The following ASXL3 variants were observed in gnomAD, a reference collection of about 807,000 sequenced individuals.
ASXL3 encodes putative Polycomb group protein ASXL3.
In ASXL3, 34 loss-of-function variants were observed where a neutral mutation model predicts 170.6. The observed-to-expected ratio is 0.20, with a 90% CI of 0.15 to 0.27. The LOEUF (loss-of-function observed/expected upper bound fraction) is 0.27. Ranked by LOEUF, ASXL3 falls within the 10% of genes least tolerant of loss-of-function variation. ASXL3 has a pLI of 1.00. For missense variants in ASXL3, 2,592 were observed against 2,695.3 expected, an observed-to-expected ratio of 0.96 and a Z score of 0.85; for synonymous variants, 1,002 against 989.1, an observed-to-expected ratio of 1.01 and a Z score of -0.24.
intron 6 of ASXL3, 41 bp downstream of exon 6, chr18:33,670,831 T>TGGA: frequency 7.7e-7 from 1 of 1,293,062 alleles, no homozygotes; most frequent in Non-Finnish European, 1.1e-6. Context: ...AGTTTCTTCC[T>TGGA]GGAGGAGACT....
At chr18:33,678,988 A>T (rs1043676885) in intron 7 of ASXL3, among the ~76,000 whole-genome samples, 3 of 152,152 alleles carry the variant, frequency 2.0e-5, no homozygotes, top group East Asian at 1.9e-4. Flanking sequence ...TTATTCTATG[A>T]TATTCTTAAA....
intron 10 of ASXL3, among the ~76,000 whole-genome samples, chr18:33,738,038 C>T (rs977843439): frequency 6.6e-6 from 1 of 152,088 alleles, no homozygotes; most frequent in African/African-American, 2.4e-5. Flanking sequence ...TGGTAAGGCT[C>T]GTATCTCCTT....
chr18:33,644,951 G>A lies in ASXL3; in HGVS notation c.195G>A (p.Gly65=), dbSNP rs371104233. 1.3e-4 allele frequency: 200 copies of A among 1,583,156 alleles called. No individual in the cohort carries two copies. The highest frequency in any genetic ancestry group is 5.0e-4 in the Admixed American group (28 of 56,456). Residue 65 remains glycine, a synonymous_variant, in exon 3 of 12, where the codon GGG becomes GGA. Transcript: ENST00000269197. ...NAMLHTNTRI[G]DGTFFKIPGK... ...TGCTTCACACTAACACTCGAATAGG[G>A]GATGGAACATTCTTCAAAATCCCTG...
intron 5 of ASXL3, among the ~76,000 whole-genome samples, chr18:33,662,086 T>C (rs2066183370): frequency 6.6e-6 from 1 of 152,210 alleles, no homozygotes; most frequent in Non-Finnish European, 1.5e-5. Flanking sequence ...TTTTTGTGCT[T>C]ATCTGATAGT....
At chr18:33,721,783 C>G (rs1417810269) in intron 8 of ASXL3, among the ~76,000 whole-genome samples, 1 of 152,006 alleles carries the variant, frequency 6.6e-6, no homozygotes, top group African/African-American at 2.4e-5. Flanking sequence ...CTTTATTGCA[C>G]TTCACAAATA....
At chr18:33,645,443 C>G (rs752678766) in intron 3 of ASXL3, among the ~76,000 whole-genome samples, 8 of 151,678 alleles carry the variant, frequency 5.3e-5, no homozygotes, top group Non-Finnish European at 8.8e-5. Context: ...ATCTAGTATT[C>G]AATTTTAAAA....
intron 4 of ASXL3, chr18:33,649,591 A>C (rs2065966209): frequency 6.6e-6 from 1 of 152,090 alleles, no homozygotes; most frequent in Non-Finnish European, 1.5e-5. Context: ...GTTCGGGACC[A>C]CTCTACAAGT....
chr18:33,667,471 T>C (rs1448286146), intron 5 of ASXL3, among the ~76,000 whole-genome samples: 1 of 152,202 alleles, frequency 6.6e-6, no homozygotes, highest in African/African-American at 2.4e-5. Context: ...CTTTGCTTTC[T>C]CTGTAAACTC....
intron 8 of ASXL3, among the ~76,000 whole-genome samples, chr18:33,694,216 A>C (rs1284277843): frequency 1.3e-5 from 2 of 152,192 alleles, no homozygotes; most frequent in Non-Finnish European, 2.9e-5. Context: ...TTGGGTTTGT[A>C]GCCAGACATG....
At chr18:33,649,985 G>A (rs545310927) in intron 4 of ASXL3, among the ~76,000 whole-genome samples, 178 of 152,130 alleles carry the variant, frequency 1.2e-3, no homozygotes, top group Non-Finnish European at 2.1e-3. Flanking sequence ...TGGCATCAGC[G>A]GCTGAAATTC....
intron 1 of ASXL3, among the ~76,000 whole-genome samples, chr18:33,585,015 G>A (rs958587660): frequency 1.3e-5 from 2 of 151,880 alleles, no homozygotes; most frequent in African/African-American, 4.8e-5. Context: ...TGGAAGCGTA[G>A]GGAGGGCCCA....
intron 8 of ASXL3, among the ~76,000 whole-genome samples, chr18:33,706,184 G>C (rs1428176964): frequency 1.3e-5 from 2 of 149,994 alleles, no homozygotes; most frequent in African/African-American, 4.9e-5. Flanking sequence ...TAAAATTTCT[G>C]TGAAAATACA....
At chr18:33,594,602 C>T (rs1046228238) in intron 1 of ASXL3, among the ~76,000 whole-genome samples, 4 of 152,082 alleles carry the variant, frequency 2.6e-5, no homozygotes, top group Non-Finnish European at 4.4e-5. Context: ...ACCTTAATTC[C>T]TCTAGCACAT....
At chr18:33,726,538 CAT>C (rs2067353997) in intron 8 of ASXL3, among the ~76,000 whole-genome samples, 1 of 152,022 alleles carries the variant, frequency 6.6e-6, no homozygotes, top group Admixed American at 6.6e-5. Flanking sequence ...TAAAATATCT[CAT>C]TAACAATATT....
At chr18:33,723,174 C>A (rs1265618045) in intron 8 of ASXL3, among the ~76,000 whole-genome samples, 1 of 152,060 alleles carries the variant, frequency 6.6e-6, no homozygotes, top group Non-Finnish European at 1.5e-5. Flanking sequence ...GCATATGGAT[C>A]AAGGAGTAAT....
At position 33,745,352 on chromosome 18, in the gene ASXL3, TAGG is replaced by T. The variant is rs2067761165; in HGVS notation, c.5507_5509del (p.Gly1836del). 4 of 1,613,812 alleles carry T rather than the reference TAGG, an allele frequency of 2.5e-6. No homozygotes were observed. The highest frequency in any genetic ancestry group is 3.4e-6 in the Non-Finnish European group (4 of 1,179,880). On this transcript the variant is annotated inframe_deletion, in exon 12 of 12. Transcript: ENST00000269197. ...CCCAAAAAGAGAGTAGCTAGGACTG[TAGG>T]AGAACACACTCAAGTTAAATGTGAA... is the stretch of plus-strand genomic sequence containing the variant.
Position 33,578,258 on chromosome 18 carries a change from C to T in ASXL3, c.-374C>T, listed in dbSNP as rs949973792. On this transcript the variant is annotated 5_prime_UTR_variant, in exon 1 of 12. Coordinates refer to ENST00000269197, the MANE Select transcript of ASXL3 (RefSeq NM_030632.3). Reference sequence around the variant, plus strand: ...TGAGCGGGGCCGAGCGGAGCATCCCCGGAGCTGTCACCGCAGCGGCCGCGG... The same window carrying T: ...TGAGCGGGGCCGAGCGGAGCATCCCTGGAGCTGTCACCGCAGCGGCCGCGG... The T allele has an allele frequency of 6.7e-6, 1 of 150,264 alleles. No individual in the cohort carries two copies. Among genetic ancestry groups the T allele is most frequent in the Non-Finnish European group, 1.5e-5 (1 of 67,536 alleles). The allele number at this position is 150,264 out of a possible 1,614,324, so 9.3% of individuals were successfully genotyped here.
intron 4 of ASXL3, among the ~76,000 whole-genome samples, chr18:33,650,159 T>C (rs1350416530): frequency 2.0e-5 from 3 of 152,092 alleles, no homozygotes; most frequent in Non-Finnish European, 2.9e-5. Flanking sequence ...CAGACAATTA[T>C]AGTAGAACTA....
intron 7 of ASXL3, among the ~76,000 whole-genome samples, chr18:33,681,057 C>T (rs1163007205): frequency 6.6e-6 from 1 of 151,374 alleles, no homozygotes; most frequent in Non-Finnish European, 1.5e-5. Flanking sequence ...CTTCCAATAG[C>T]TACTTCCAGA....
Sources: gnomAD v4.1 joint callset for allele counts (sites outside exome capture counted in the v4.1 genomes callset) on GRCh38, gnomAD v4.1.1 for gene constraint, MANE v1.5 for transcripts, NCBI Gene and HGNC (gene_info 2026-07-23, HGNC 2026-07-21) for gene names.